COL24A1: variants seen among roughly 807,000 people sequenced by gnomAD.
The protein encoded by COL24A1 is collagen type XXIV alpha 1 chain, also known as collagen alpha-1(XXIV) chain.
In COL24A1, 224 loss-of-function variants were observed where a neutral mutation model predicts 253.9. That is an observed-to-expected ratio of 0.88 (90% CI 0.79 to 0.99). The LOEUF (loss-of-function observed/expected upper bound fraction) is 0.99, where lower values mean the gene tolerates loss of function less well. Ranked by LOEUF, COL24A1 falls within the 50% of genes least tolerant of loss-of-function variation. The pLI, the probability that COL24A1 is intolerant of heterozygous loss-of-function variation, is 0.00. For missense variants in COL24A1, 2,131 were observed against 2,068.5 expected, an observed-to-expected ratio of 1.03 and a Z score of -0.59; for synonymous variants, 685 against 673.7, an observed-to-expected ratio of 1.02 and a Z score of -0.26.
At chr1:86,033,970 T>C in intron 12 of COL24A1, 47 bp from the exon 13 acceptor site, 11 of 1,420,444 alleles carry the variant, frequency 7.7e-6, no homozygotes, top group Non-Finnish European at 1.0e-5. Flanking sequence ...AAATAATTCA[T>C]TTTTGCTGTA....
intron 24 of COL24A1, among the ~76,000 whole-genome samples, chr1:85,945,019 T>TTTTTTTTTTTTTTTTG (rs1689180978): frequency 1.1e-4 from 8 of 73,390 alleles, no homozygotes; most frequent in Non-Finnish European, 1.9e-4. Context: ...TTTTTTTTTT[T>TTTTTTTTTTTTTTTTG]TTTTTTTTTT....
chr1:85,838,643 A>T lies in COL24A1; in HGVS notation c.3628-5T>A. On this transcript the variant is annotated splice_region_variant and splice_polypyrimidine_tract_variant and intron_variant, in intron 42 of 59. Coordinates refer to ENST00000370571, the MANE Select transcript of COL24A1 (RefSeq NM_152890.7). ...TCCTTGGTCCCCCACTGGACCCTAC[A>T]GAGACCACACACAAAACAATCAGTT... 6.2e-7 allele frequency: 1 copy of T among 1,613,844 alleles called. No homozygotes were observed. Among genetic ancestry groups the T allele is most frequent in the Non-Finnish European group, 8.5e-7 (1 of 1,179,750 alleles).
chr1:85,979,249 A>T (rs183128533), intron 20 of COL24A1, among the ~76,000 whole-genome samples: 5 of 152,312 alleles, frequency 3.3e-5, no homozygotes, highest in African/African-American at 1.2e-4. Flanking sequence ...GAAAGAGCAC[A>T]AATAGACAAT....
At chr1:86,007,883 G>C (rs1696118868) in intron 19 of COL24A1, among the ~76,000 whole-genome samples, 1 of 152,000 alleles carries the variant, frequency 6.6e-6, no homozygotes, top group Non-Finnish European at 1.5e-5. Flanking sequence ...ATAATATAAT[G>C]GTAGATCATT....
At chr1:86,078,089 A>G (rs1702384389) in intron 7 of COL24A1, among the ~76,000 whole-genome samples, 1 of 152,202 alleles carries the variant, frequency 6.6e-6, no homozygotes, top group East Asian at 1.9e-4. Context: ...ATACATTAAA[A>G]AGATGACTCA....
chr1:85,904,800 A>G (rs1015111469), intron 28 of COL24A1, among the ~76,000 whole-genome samples: 3 of 152,128 alleles, frequency 2.0e-5, no homozygotes, highest in African/African-American at 2.4e-5. Context: ...AAAAATTTCA[A>G]TACTGCATGG....
intron 32 of COL24A1, among the ~76,000 whole-genome samples, chr1:85,882,439 G>A (rs909939544): frequency 2.6e-5 from 4 of 152,092 alleles, no homozygotes; most frequent in African/African-American, 9.7e-5. Context: ...ACTCCAGCCT[G>A]GGCGACAGAG....
At chr1:85,807,628 A>T (rs1558200787) in intron 47 of COL24A1, among the ~76,000 whole-genome samples, 2 of 152,176 alleles carry the variant, frequency 1.3e-5, no homozygotes, top group East Asian at 3.9e-4. Flanking sequence ...AATCTTACTT[A>T]AGTCACTGTG....
chr1:85,817,638 G>T (rs1336000676), intron 46 of COL24A1, among the ~76,000 whole-genome samples: 3 of 151,924 alleles, frequency 2.0e-5, no homozygotes, highest in African/African-American at 7.3e-5. Context: ...CTTTTTATTT[G>T]TCTAGAGAAT....
intron 14 of COL24A1, among the ~76,000 whole-genome samples, chr1:86,024,654 T>C (rs1229174574): frequency 6.6e-6 from 1 of 152,238 alleles, no homozygotes; most frequent in Non-Finnish European, 1.5e-5. Context: ...TAATACATGA[T>C]GCTTGTAATT....
intron 45 of COL24A1, among the ~76,000 whole-genome samples, chr1:85,819,749 AAAG>A (rs1360738800): frequency 2.0e-5 from 3 of 152,168 alleles, no homozygotes; most frequent in East Asian, 1.9e-4. Flanking sequence ...GGGAAAGGGA[AAAG>A]AAGAAGAAAA....
intron 55 of COL24A1, among the ~76,000 whole-genome samples, chr1:85,755,078 ATCT>A (rs1465655611): frequency 6.6e-6 from 1 of 152,190 alleles, no homozygotes; most frequent in African/African-American, 2.4e-5. Context: ...TGTCCGAGAG[ATCT>A]TCAACCAGAT....
rs139672524 is a variant in COL24A1, at chr1:86,093,911, G to C, written c.1600-1591C>G. Reference sequence around the variant, plus strand: ...AAAATCTCAACATTACTGATCATTAGAGAAATGCAATTCAAAACCACAATG... The same window carrying C: ...AAAATCTCAACATTACTGATCATTACAGAAATGCAATTCAAAACCACAATG... On this transcript the variant is annotated intron_variant, in intron 5 of 59. Coordinates refer to ENST00000370571, the MANE Select transcript of COL24A1 (RefSeq NM_152890.7). Among the ~76,000 whole-genome samples the C allele has an allele frequency of 4.3e-3, 648 of 152,238 alleles. 7 individuals carry two copies. Among genetic ancestry groups the C allele is most frequent in the African/African-American group, 0.014 (596 of 41,556 alleles).
In COL24A1 at chr1:85,804,057, T is replaced by C. The variant is rs941233913; in HGVS notation, c.3951+12731A>G. Among the ~76,000 whole-genome samples, 5 of 152,134 alleles carry C rather than the reference T, an allele frequency of 3.3e-5. No individual in the cohort carries two copies. In the South Asian group the frequency reaches 6.2e-4, roughly 19 times the overall value. ...TAATAATAGAAAAAATTCAGGAGAT[T>C]CTGCAAAGAATATTGAAAGTATTGG... On this transcript the variant is annotated intron_variant, in intron 47 of 59. Transcript: ENST00000370571.
chr1:86,077,477 C>A (rs1165132725), intron 7 of COL24A1, among the ~76,000 whole-genome samples: 1 of 152,164 alleles, frequency 6.6e-6, no homozygotes, highest in Non-Finnish European at 1.5e-5. Flanking sequence ...ACCCAGCAAT[C>A]TCATTACTGG....
chr1:85,858,091 T>C (rs116375936), intron 37 of COL24A1, among the ~76,000 whole-genome samples: 174 of 152,368 alleles, frequency 1.1e-3, no homozygotes, highest in African/African-American at 3.7e-3. Context: ...TCACTATCAC[T>C]GTGTTTTCTC....
At position 85,811,941 on chromosome 1, in the gene COL24A1, C is replaced by T. The variant is rs1269200662; in HGVS notation, c.3951+4847G>A. Among the ~76,000 whole-genome samples, 4 of 152,280 alleles carry T rather than the reference C, an allele frequency of 2.6e-5. No individual in the cohort carries two copies. The East Asian group carries it at 7.7e-4, about 29-fold the overall frequency. ...AGCTGGTAGAGATGCCATATGAGCC[C>T]TTTGGTAATCTCCCATAAGAGAAAC... is the stretch of plus-strand genomic sequence containing the variant. On this transcript the variant is annotated intron_variant, in intron 47 of 59. Coordinates refer to ENST00000370571, the MANE Select transcript of COL24A1 (RefSeq NM_152890.7).
At chr1:86,105,324 G>A (rs905511911) in intron 5 of COL24A1, among the ~76,000 whole-genome samples, 3 of 152,176 alleles carry the variant, frequency 2.0e-5, no homozygotes, top group South Asian at 4.1e-4. Context: ...AAAGCAATAC[G>A]GGGAGTGGCC....
intron 43 of COL24A1, among the ~76,000 whole-genome samples, chr1:85,824,224 G>A (rs1183031275): frequency 6.6e-6 from 1 of 152,124 alleles, no homozygotes; most frequent in Admixed American, 6.6e-5. Flanking sequence ...GGAGAGATGC[G>A]GTCATAGGAA....
Sources: gnomAD v4.1 joint callset for allele counts (sites outside exome capture counted in the v4.1 genomes callset) on GRCh38, gnomAD v4.1.1 for gene constraint, MANE v1.5 for transcripts, NCBI Gene and HGNC (gene_info 2026-07-23, HGNC 2026-07-21) for gene names.